Variants in ADAM28 observed in about 807,000 individuals in gnomAD.
ADAM28 encodes ADAM metallopeptidase domain 28.
ADAM28 carries 105 observed loss-of-function variants against 101.2 expected under a neutral mutation model. That is an observed-to-expected ratio of 1.04 (90% CI 0.89 to 1.22). ADAM28 has a LOEUF of 1.22. Ranked by LOEUF, ADAM28 falls within the 50% of genes most tolerant of loss-of-function variation. The pLI is 0.00. For synonymous variants in ADAM28, 322 were observed against 310.6 expected (o/e 1.04, Z -0.39); for missense variants, 1,028 against 945.4 (o/e 1.09, Z -1.15).
intron 18 of ADAM28, among the ~76,000 whole-genome samples, chr8:24,347,471 T>C (rs1815540939): frequency 6.6e-6 from 1 of 152,126 alleles, no homozygotes; most frequent in African/African-American, 2.4e-5. Context: ...TTTATATTCA[T>C]GGGTGATATT....
intron 2 of ADAM28, among the ~76,000 whole-genome samples, chr8:24,302,667 T>C (rs961767808): frequency 1.3e-5 from 2 of 152,232 alleles, no homozygotes; most frequent in Admixed American, 1.3e-4. Context: ...ATTGTGGTTT[T>C]GATTTGCATT....
chr8:24,318,515 C>T (rs2129282552), intron 6 of ADAM28, among the ~76,000 whole-genome samples: 1 of 152,012 alleles, frequency 6.6e-6, no homozygotes, highest in East Asian at 1.9e-4. Context: ...CTGCCCCTCT[C>T]CTAAAGGCCA....
At chr8:24,302,973 T>C (rs74789843) in intron 2 of ADAM28, among the ~76,000 whole-genome samples, 14,446 of 139,448 alleles carry the variant, frequency 0.1, 896 homozygotes, top group East Asian at 0.26. Context: ...CCTGTGTCCA[T>C]GTGTTCTCAT....
chr8:24,354,375 C>CTGTG lies in ADAM28; in HGVS notation c.2308-8_2308-7insGTGT, dbSNP rs1219294478. On this transcript the variant is annotated splice_polypyrimidine_tract_variant and intron_variant, in intron 22 of 22. Transcript: ENST00000265769. ...AAAGTTGATCATTTAGAAGTTATGTCTTTTTTAGGACTCAAATCCAAAAGC... is the reference window on the plus strand; with the variant it reads ...AAAGTTGATCATTTAGAAGTTATGTCTGTGTTTTTTAGGACTCAAATCCAAAAGC... 1 of 1,599,470 alleles carries CTGTG rather than the reference C, an allele frequency of 6.3e-7. No homozygotes were observed. Among genetic ancestry groups the CTGTG allele is most frequent in the Admixed American group, 1.7e-5 (1 of 58,670 alleles).
intron 15 of ADAM28, among the ~76,000 whole-genome samples, chr8:24,340,098 GA>G (rs1814583330): frequency 6.6e-6 from 1 of 152,068 alleles, no homozygotes; most frequent in Non-Finnish European, 1.5e-5. Flanking sequence ...TGATATCCGG[GA>G]AAACACTATA....
chr8:24,345,743 A>G (rs1399626895), intron 18 of ADAM28, among the ~76,000 whole-genome samples: 1 of 152,104 alleles, frequency 6.6e-6, no homozygotes, highest in Non-Finnish European at 1.5e-5. Context: ...ATAAGGTTGA[A>G]TTAATTCTGA....
At position 24,357,247 on chromosome 8, in the gene ADAM28, G is replaced by A. The variant is rs4401872; in HGVS notation, c.*2843G>A. On this transcript the variant is annotated 3_prime_UTR_variant, in exon 23 of 23. Coordinates refer to ENST00000265769, the MANE Select transcript of ADAM28 (RefSeq NM_014265.6). ...ACAGAAACTGTATGATAATTAATAT[G>A]TGTTGTTTAAAGTTGTTATGGTTTG... The A allele has an allele frequency of 0.98, 149,014 of 152,280 alleles. 72,966 individuals carry two copies. Among genetic ancestry groups the A allele is most frequent in the East Asian group, 1 (5,167 of 5,174 alleles). 9.4% of individuals were successfully genotyped at this position (152,280 alleles called of 1,614,324 possible).
intron 16 of ADAM28, 87 bp downstream of exon 16, chr8:24,341,844 G>T: frequency 6.5e-7 from 1 of 1,544,932 alleles, no homozygotes; most frequent in Non-Finnish European, 8.8e-7. Flanking sequence ...TTCACTATGT[G>T]CCTTGTTTCC....
At chr8:24,331,750 A>G (rs1443081148) in intron 12 of ADAM28, among the ~76,000 whole-genome samples, 1 of 152,086 alleles carries the variant, frequency 6.6e-6, no homozygotes, top group Non-Finnish European at 1.5e-5. Context: ...ATTCAAATGT[A>G]TCTGTTTCCA....
intron 14 of ADAM28, among the ~76,000 whole-genome samples, chr8:24,336,311 C>A (rs547879947): frequency 6.6e-6 from 1 of 151,888 alleles, no homozygotes; most frequent in Admixed American, 6.6e-5. Flanking sequence ...TGGCCAGGTG[C>A]GGTGGCTCAC....
rs1807638393 is a variant in ADAM28, at chr8:24,294,116, A to T, written c.-34A>T. On this transcript the variant is annotated 5_prime_UTR_variant, in exon 1 of 23. Coordinates refer to ENST00000265769, the MANE Select transcript of ADAM28 (RefSeq NM_014265.6). ...ACCCAGCAGCACCCACCTGAGCGAG[A>T]AGAGCAGACACCGTGCTCCTGGAAT... 5 of 1,613,848 alleles carry T rather than the reference A, an allele frequency of 3.1e-6. No individual in the cohort carries two copies. Among genetic ancestry groups the T allele is most frequent in the Non-Finnish European group, 4.2e-6 (5 of 1,179,778 alleles).
At chr8:24,351,494 G>T in intron 20 of ADAM28, 184 bp downstream of exon 20, 1 of 681,412 alleles carries the variant, frequency 1.5e-6, no homozygotes, top group Non-Finnish European at 2.7e-6. Context: ...TACTTTGCCG[G>T]GGTTCATGAA....
chr8:24,346,441 T>G (rs1815407675), intron 18 of ADAM28, among the ~76,000 whole-genome samples: 1 of 152,112 alleles, frequency 6.6e-6, no homozygotes, highest in African/African-American at 2.4e-5. Context: ...TTATAATATT[T>G]TCACAACTGT....
At chr8:24,297,177 T>C (rs1808086198) in intron 1 of ADAM28, among the ~76,000 whole-genome samples, 1 of 152,016 alleles carries the variant, frequency 6.6e-6, no homozygotes, top group Non-Finnish European at 1.5e-5. Flanking sequence ...TTGTTGTTGT[T>C]GTTGTTTGTT....
rs760083175 is a variant in ADAM28, at chr8:24,300,052, G to C, written c.125G>C (p.Arg42Thr). Residue 42 changes from arginine (R) to threonine (T), a missense_variant, in exon 2 of 23, where the codon AGA becomes ACA. Transcript: ENST00000265769. ...ATAAGACTTCATCCACTGCATAAAA[G>C]AGAGGCCAAAGAGCCAGAGCAACAG... ...YPIRLHPLHK[R>T]EAKEPEQQEQ... 3.7e-6 allele frequency: 6 copies of C among 1,613,564 alleles called. No homozygotes were observed. The Admixed American group carries it at 8.3e-5, about 22-fold the overall frequency.
chr8:24,354,207 T>G (rs761964174), intron 22 of ADAM28, among the ~76,000 whole-genome samples, 177 bp from the exon 23 acceptor site: 36 of 152,204 alleles, frequency 2.4e-4, no homozygotes, highest in Middle Eastern at 3.4e-3. Flanking sequence ...TGTAGTGTTT[T>G]TCTCACTCCC....
intron 17 of ADAM28, 52 bp downstream of exon 17, chr8:24,343,233 AG>A: frequency 6.3e-7 from 1 of 1,578,202 alleles, no homozygotes; most frequent in Non-Finnish European, 8.7e-7. Flanking sequence ...ATGACATTCT[AG>A]GTCAGTCATA....
chr8:24,350,317 C>A (rs1474197480), intron 19 of ADAM28, among the ~76,000 whole-genome samples: 3 of 151,918 alleles, frequency 2.0e-5, no homozygotes, highest in Non-Finnish European at 4.4e-5. Flanking sequence ...ACCGCCCCAC[C>A]CACTTTTTTT....
At position 24,355,424 on chromosome 8, in the gene ADAM28, C is replaced by T. The variant is rs1300117093; in HGVS notation, c.*1020C>T. The T allele has an allele frequency of 6.6e-6, 1 of 151,906 alleles. No individual in the cohort carries two copies. Among genetic ancestry groups the T allele is most frequent in the Non-Finnish European group, 1.5e-5 (1 of 67,966 alleles). The allele number at this position is 151,906 out of a possible 1,614,324, so 9.4% of individuals were successfully genotyped here. Reference sequence around the variant, plus strand: ...AATCTATCTATCTCAGGGATAAATCCCTATCCTTTTAAGTAAGTCAAGTCA... The same window carrying T: ...AATCTATCTATCTCAGGGATAAATCTCTATCCTTTTAAGTAAGTCAAGTCA... On this transcript the variant is annotated 3_prime_UTR_variant, in exon 23 of 23. Coordinates refer to ENST00000265769, the MANE Select transcript of ADAM28 (RefSeq NM_014265.6).
Sources: gnomAD v4.1 joint callset for allele counts (sites outside exome capture counted in the v4.1 genomes callset) on GRCh38, gnomAD v4.1.1 for gene constraint, MANE v1.5 for transcripts, NCBI Gene and HGNC (gene_info 2026-07-23, HGNC 2026-07-21) for gene names.